Variants in CPQ observed in about 807,000 individuals in gnomAD.
The protein encoded by CPQ is carboxypeptidase Q.
CPQ carries 37 observed loss-of-function variants against 45.7 expected under a neutral mutation model. That is an observed-to-expected ratio of 0.81 (90% CI 0.62 to 1.07). The LOEUF (loss-of-function observed/expected upper bound fraction) is 1.07. Among genes scored for constraint, CPQ ranks in the 50% least tolerant of loss-of-function variants. The pLI is 0.00. For synonymous variants in CPQ, 186 were observed against 205.8 expected (o/e 0.90, Z 0.82); for missense variants, 537 against 572.9 (o/e 0.94, Z 0.64).
chr8:97,014,421 C>A lies in CPQ; in HGVS notation c.962-14982C>A, dbSNP rs111731373. Among the ~76,000 whole-genome samples, 834 of 151,996 alleles carry A rather than the reference C, an allele frequency of 5.5e-3. 12 individuals carry two copies. Among genetic ancestry groups the A allele is most frequent in the African/African-American group, 0.018 (762 of 41,452 alleles). ...ATCCCAGCAATTTGGGAGGCCGAGGCGGGCAGATCACTTGAGGTCAGGAGT... is the reference window on the plus strand; with the variant it reads ...ATCCCAGCAATTTGGGAGGCCGAGGAGGGCAGATCACTTGAGGTCAGGAGT... On this transcript the variant is annotated intron_variant, in intron 5 of 7. Transcript: ENST00000220763.
Position 96,672,146 on chromosome 8 carries a change from C to G in CPQ, c.-35+26744C>G, listed in dbSNP as rs112940675. Among the ~76,000 whole-genome samples the G allele has an allele frequency of 6.4e-3, 971 of 152,200 alleles. 5 individuals are homozygous for G. The highest frequency in any genetic ancestry group is 0.018 in the African/African-American group (753 of 41,520). On this transcript the variant is annotated intron_variant, in intron 1 of 7. Coordinates refer to ENST00000220763, the MANE Select transcript of CPQ (RefSeq NM_016134.4). ...AATAAAGCTTCATGGGCTTCTTAAA[C>G]TGTTTGTGAAAGTTGTTGTTCTAGA...
intron 5 of CPQ, among the ~76,000 whole-genome samples, chr8:96,973,398 G>A (rs78613037): frequency 3.4e-3 from 521 of 152,144 alleles, no homozygotes; most frequent in African/African-American, 0.012. Flanking sequence ...AAAAATAATC[G>A]GCGTTCTCAA....
At chr8:96,950,455 A>C (rs559749477) in intron 4 of CPQ, among the ~76,000 whole-genome samples, 1 of 152,260 alleles carries the variant, frequency 6.6e-6, no homozygotes, top group East Asian at 1.9e-4. Context: ...CTCTGTCATT[A>C]GAAAGGCTGG....
chr8:96,771,897 G>A (rs944555794), intron 1 of CPQ, among the ~76,000 whole-genome samples: 2 of 151,926 alleles, frequency 1.3e-5, no homozygotes, highest in African/African-American at 4.8e-5. Flanking sequence ...CCTACTAACT[G>A]TCGGTTCAAT....
chr8:96,871,539 T>G (rs1406425981), intron 3 of CPQ, among the ~76,000 whole-genome samples: 1 of 150,390 alleles, frequency 6.6e-6, no homozygotes. Context: ...AGGTTTTTTT[T>G]TTTTTTTTTT....
At chr8:96,668,286 C>T (rs1024949159) in intron 1 of CPQ, among the ~76,000 whole-genome samples, 1 of 152,112 alleles carries the variant, frequency 6.6e-6, no homozygotes, top group African/African-American at 2.4e-5. Context: ...TGCAAGTTAC[C>T]ATAATATATG....
chr8:96,942,135 T>C (rs1813130490), intron 4 of CPQ, among the ~76,000 whole-genome samples: 1 of 152,214 alleles, frequency 6.6e-6, no homozygotes, highest in South Asian at 2.1e-4. Flanking sequence ...ATTTGGCTAC[T>C]TTTGTTGGCA....
In CPQ at chr8:97,042,279, G is replaced by C. The variant is rs1476131463; in HGVS notation, c.1053+12785G>C. Among the ~76,000 whole-genome samples, 6 of 152,096 alleles carry C rather than the reference G, an allele frequency of 3.9e-5. No homozygotes were observed. In the East Asian group the frequency reaches 1.2e-3, roughly 29 times the overall value. On this transcript the variant is annotated intron_variant, in intron 6 of 7. Transcript: ENST00000220763. ...TTTTCTAGTTTATTTGCGTAAAGGT[G>C]TTTGTAGTATTCTCTGATGGTAGTT...
Position 96,945,068 on chromosome 8 carries a change from A to G in CPQ, c.850-20867A>G, listed in dbSNP as rs562620319. Among the ~76,000 whole-genome samples, 20 of 152,264 alleles carry G rather than the reference A, an allele frequency of 1.3e-4. No individual in the cohort carries two copies. In the South Asian group the frequency reaches 4.1e-3, roughly 32 times the overall value. The stretch of plus-strand genomic sequence containing the variant: ...GCTTAAAGCTCGTGGAAAAGCTTAT[A>G]TCTCCTATGTCCAGTGTCAGCCCCC... On this transcript the variant is annotated intron_variant, in intron 4 of 7. Transcript: ENST00000220763.
At position 96,854,557 on chromosome 8, in the gene CPQ, A is replaced by AAAAAAAAAAAAAAACAC. The variant is rs1554573253; in HGVS notation, c.641+19379_641+19380insAAAAAAAAAAAACACAA. Among the ~76,000 whole-genome samples, 317 of 76,854 alleles carry AAAAAAAAAAAAAAACAC rather than the reference A, an allele frequency of 4.1e-3. 53 individuals carry two copies. The highest frequency in any genetic ancestry group is 0.012 in the African/African-American group (235 of 20,018). The allele number at this position is 76,854 out of a possible 152,430, so 50.4% of individuals were successfully genotyped here. On this transcript the variant is annotated intron_variant, in intron 3 of 7. Coordinates refer to ENST00000220763, the MANE Select transcript of CPQ (RefSeq NM_016134.4). ...AAAAAAAAAAAAAAAAAAAAAAAAA[A>AAAAAAAAAAAAAAACAC]AATGTGGTGGAACTAAAAGCCCAGT...
At chr8:97,032,565 G>C (rs1563559925) in intron 6 of CPQ, among the ~76,000 whole-genome samples, 1 of 152,166 alleles carries the variant, frequency 6.6e-6, no homozygotes, top group Non-Finnish European at 1.5e-5. Context: ...GCAGAAAGCT[G>C]ACCCACTCTA....
intron 4 of CPQ, among the ~76,000 whole-genome samples, chr8:96,930,589 A>G (rs1234429609): frequency 1.3e-5 from 2 of 152,100 alleles, no homozygotes; most frequent in African/African-American, 4.8e-5. Context: ...TAATGCACCC[A>G]TTTCCCAGTG....
intron 1 of CPQ, among the ~76,000 whole-genome samples, chr8:96,758,035 C>T (rs1810349538): frequency 6.6e-6 from 1 of 152,166 alleles, no homozygotes; most frequent in African/African-American, 2.4e-5. Flanking sequence ...TGAATTAATA[C>T]AACTCTTGCA....
chr8:96,994,650 C>CA (rs375255822), intron 5 of CPQ, among the ~76,000 whole-genome samples: 119 of 151,234 alleles, frequency 7.9e-4, no homozygotes, highest in East Asian at 1.6e-3. Flanking sequence ...GTCAAATTGC[C>CA]AAAAAAAAGA....
intron 4 of CPQ, among the ~76,000 whole-genome samples, chr8:96,888,211 T>G (rs571577704): frequency 2.6e-5 from 4 of 152,328 alleles, no homozygotes; most frequent in African/African-American, 9.6e-5. Flanking sequence ...CAAATGTCCC[T>G]TGGGGGACAA....
At chr8:96,718,463 C>A (rs1186789801) in intron 1 of CPQ, among the ~76,000 whole-genome samples, 1 of 152,056 alleles carries the variant, frequency 6.6e-6, no homozygotes, top group East Asian at 1.9e-4. Context: ...TTGTTCGTTC[C>A]CCCCAGTGGG....
At chr8:96,830,969 C>G (rs1169545584) in intron 2 of CPQ, among the ~76,000 whole-genome samples, 1 of 152,182 alleles carries the variant, frequency 6.6e-6, no homozygotes, top group African/African-American at 2.4e-5. Context: ...CAAATCTCAG[C>G]TTCAGCACCT....
At chr8:96,681,386 G>A (rs971319037) in intron 1 of CPQ, among the ~76,000 whole-genome samples, 25 of 152,160 alleles carry the variant, frequency 1.6e-4, no homozygotes, top group Non-Finnish European at 3.2e-4. Context: ...GGTACAGCTT[G>A]GGCTGTTGCT....
chr8:96,868,399 C>A (rs866868423), intron 3 of CPQ, among the ~76,000 whole-genome samples: 1 of 152,058 alleles, frequency 6.6e-6, no homozygotes, highest in East Asian at 1.9e-4. Flanking sequence ...TCATCATATA[C>A]ACTTTCTCAA....
Sources: allele counts gnomAD v4.1 joint callset (sites outside exome capture counted in the v4.1 genomes callset), GRCh38; gene constraint gnomAD v4.1.1; transcripts MANE v1.5; gene names NCBI Gene and HGNC (gene_info 2026-07-23, HGNC 2026-07-21).